EPHX2: variants seen among roughly 807,000 people sequenced by gnomAD.
EPHX2 encodes epoxide hydrolase 2, also known as bifunctional epoxide hydrolase 2.
Under a neutral mutation model 78.7 loss-of-function variants are expected in EPHX2, and 74 were observed. That is an observed-to-expected ratio of 0.94 (90% CI 0.78 to 1.14). The LOEUF (loss-of-function observed/expected upper bound fraction) is 1.14, where lower values mean the gene tolerates loss of function less well. Among genes scored for constraint, EPHX2 ranks in the 50% most tolerant of loss-of-function variants. The pLI, the probability that EPHX2 is intolerant of heterozygous loss-of-function variation, is 0.00. For synonymous variants in EPHX2, 251 were observed against 255.2 expected (o/e 0.98, Z 0.16); for missense variants, 715 against 702.5 (o/e 1.02, Z -0.20).
chr8:27,501,387 C>CTTCTTCTTCTTTCTTCT, intron 2 of EPHX2, among the ~76,000 whole-genome samples: 1 of 67,548 alleles, frequency 1.5e-5, no homozygotes, highest in Non-Finnish European at 3.0e-5. Context: ...TCTTCTTCTT[C>CTTCTTCTTCTTTCTTCT]TTCTTCTTTC....
At chr8:27,509,325 C>G (rs140008086) in intron 5 of EPHX2, among the ~76,000 whole-genome samples, 1 of 152,274 alleles carries the variant, frequency 6.6e-6, no homozygotes, top group African/African-American at 2.4e-5. Context: ...GGGAATAGTG[C>G]TGCTATGAAT....
Position 27,541,459 on chromosome 8 carries a change from T to C in EPHX2, c.1380-14T>C. Reference sequence around the variant, plus strand: ...TTACTGCCTCCCTCTTTTTACTTTCTGATCTCTCCCCAGAGGTCCTCTAAA... The same window carrying C: ...TTACTGCCTCCCTCTTTTTACTTTCCGATCTCTCCCCAGAGGTCCTCTAAA... On this transcript the variant is annotated splice_polypyrimidine_tract_variant and intron_variant, in intron 15 of 18. Coordinates refer to ENST00000521400, the MANE Select transcript of EPHX2 (RefSeq NM_001979.6). 6 of 1,614,128 alleles carry C rather than the reference T, an allele frequency of 3.7e-6. No individual in the cohort carries two copies. Among genetic ancestry groups the C allele is most frequent in the Non-Finnish European group, 5.1e-6 (6 of 1,179,918 alleles).
chr8:27,500,942 G>A lies in EPHX2; in HGVS notation c.118G>A (p.Ala40Thr), dbSNP rs1232427768. The A allele has an allele frequency of 1.2e-6, 2 of 1,613,178 alleles. No individual in the cohort carries two copies. Among genetic ancestry groups the A allele is most frequent in the Non-Finnish European group, 1.7e-6 (2 of 1,179,584 alleles). ...GTTTTCCAGAGGACTTCTGAATGAT[G>A]CTTTCCAGAAAGGGGGACCAGAGGG... The part of the protein sequence containing the change: ...LALPRGLLND[A>T]FQKGGPEGAT... The change falls in exon 2 of 19, where the codon GCT (alanine) becomes ACT (threonine). Residue 40 changes from alanine to threonine, a missense_variant. Coordinates refer to ENST00000521400, the MANE Select transcript of EPHX2 (RefSeq NM_001979.6).
In EPHX2 at chr8:27,518,162, A is replaced by T. The variant is rs1008920382; in HGVS notation, c.945+90A>T. ...GGGGTATCCATTCAAATTTTAGGGA[A>T]GCATCATTTCACAGCCTCTGGGTAT... On this transcript the variant is annotated intron_variant, in intron 9 of 18. Coordinates refer to ENST00000521400, the MANE Select transcript of EPHX2 (RefSeq NM_001979.6). 4.5e-6 allele frequency: 5 copies of T among 1,116,192 alleles called. No homozygotes were observed. In the African/African-American group the frequency reaches 7.9e-5, roughly 18 times the overall value. The allele number at this position is 1,116,192 out of a possible 1,614,324, so 69.1% of individuals were successfully genotyped here.
At chr8:27,501,127 A>C in intron 2 of EPHX2, 117 bp downstream of exon 2, 1 of 817,136 alleles carries the variant, frequency 1.2e-6, no homozygotes, top group South Asian at 1.7e-5. Flanking sequence ...GTGAAGACAA[A>C]TGTTGTTTTA....
At chr8:27,494,356 A>G (rs976554316) in intron 1 of EPHX2, among the ~76,000 whole-genome samples, 1 of 152,116 alleles carries the variant, frequency 6.6e-6, no homozygotes, top group Non-Finnish European at 1.5e-5. Context: ...TGAAGGTGAT[A>G]TTGTATCTCT....
chr8:27,508,883 G>A (rs563391495), intron 5 of EPHX2, among the ~76,000 whole-genome samples: 1 of 148,748 alleles, frequency 6.7e-6, no homozygotes, highest in Admixed American at 6.7e-5. Context: ...ATGAAACTCT[G>A]GACCATCAAA....
intron 12 of EPHX2, among the ~76,000 whole-genome samples, chr8:27,533,042 G>A (rs1815098461): frequency 6.6e-6 from 1 of 152,146 alleles, no homozygotes; most frequent in East Asian, 1.9e-4. Context: ...TTGAGTCCAG[G>A]AGTTTGAGGA....
rs1017515024 is a variant in EPHX2 at position 27,516,366 on chromosome 8, T to C, written c.878T>C (p.Met293Thr). 1 of 1,613,998 alleles carries C rather than the reference T, an allele frequency of 6.2e-7. No homozygotes were observed. Among genetic ancestry groups the C allele is most frequent in the Non-Finnish European group, 8.5e-7 (1 of 1,180,002 alleles). ...GGTTACCGGGTCCTAGCTATGGACA[T>C]GAAAGGCTATGGAGAGTCATCTGCT... ...QAGYRVLAMDMKGYGESSAPP... is the reference protein window; with the variant it reads ...QAGYRVLAMDTKGYGESSAPP... Residue 293 changes from methionine to threonine, a missense_variant, in exon 8 of 19, where the codon ATG becomes ACG. Coordinates refer to ENST00000521400, the MANE Select transcript of EPHX2 (RefSeq NM_001979.6).
chr8:27,525,725 G>GT (rs1478508136), intron 12 of EPHX2, among the ~76,000 whole-genome samples: 1 of 152,108 alleles, frequency 6.6e-6, no homozygotes, highest in Non-Finnish European at 1.5e-5. Flanking sequence ...GGCTTCTCTG[G>GT]TGTCTCTGCA....
At chr8:27,521,916 G>A (rs751824664) in intron 10 of EPHX2, among the ~76,000 whole-genome samples, 2 of 152,208 alleles carry the variant, frequency 1.3e-5, no homozygotes, top group African/African-American at 2.4e-5. Flanking sequence ...TAAGTGACAC[G>A]TGGCTATAGC....
intron 12 of EPHX2, among the ~76,000 whole-genome samples, chr8:27,535,685 T>C (rs1045832466): frequency 1.3e-5 from 2 of 152,128 alleles, no homozygotes; most frequent in Non-Finnish European, 2.9e-5. Flanking sequence ...GATGGATCTC[T>C]TGTCACCTTC....
intron 4 of EPHX2, 51 bp downstream of exon 4, chr8:27,505,197 C>T (rs754247635): frequency 6.3e-7 from 1 of 1,590,014 alleles, no homozygotes; most frequent in Non-Finnish European, 8.6e-7. Context: ...GATATTGCAA[C>T]CAGGGAAAAA....
At chr8:27,498,580 T>C (rs933385229) in intron 1 of EPHX2, among the ~76,000 whole-genome samples, 1 of 152,188 alleles carries the variant, frequency 6.6e-6, no homozygotes, top group Non-Finnish European at 1.5e-5. Context: ...CTTGTAGTTA[T>C]TTGTTTATAC....
At chr8:27,505,735 G>A (rs1813980922) in intron 4 of EPHX2, among the ~76,000 whole-genome samples, 1 of 152,142 alleles carries the variant, frequency 6.6e-6, no homozygotes, top group Non-Finnish European at 1.5e-5. Flanking sequence ...TCACCATGCT[G>A]CATCCTGGGA....
chr8:27,509,092 T>A (rs1264721777), intron 5 of EPHX2, among the ~76,000 whole-genome samples: 6 of 151,928 alleles, frequency 3.9e-5, no homozygotes, highest in African/African-American at 1.2e-4. Flanking sequence ...ATTGGACTCC[T>A]CTAGGGACCT....
Position 27,544,208 on chromosome 8 carries a change from A to G in EPHX2, c.1553A>G (p.His518Arg). 1 of 1,614,196 alleles carries G rather than the reference A, an allele frequency of 6.2e-7. No individual in the cohort carries two copies. Among genetic ancestry groups the G allele is most frequent in the Non-Finnish European group, 8.5e-7 (1 of 1,180,038 alleles). The change falls in exon 18 of 19, where the codon CAC becomes CGC. Residue 518 changes from histidine (H) to arginine (R), a missense_variant. Coordinates refer to ENST00000521400, the MANE Select transcript of EPHX2 (RefSeq NM_001979.6). ...CAGATTCCCCACCTGAAAAGGGGAC[A>G]CATTGAGGACTGTGGGCACTGGACA... Reference protein sequence around the residue: ...EDWIPHLKRGHIEDCGHWTQM... With the variant: ...EDWIPHLKRGRIEDCGHWTQM...
intron 9 of EPHX2, among the ~76,000 whole-genome samples, chr8:27,520,141 C>G (rs1157978748): frequency 6.6e-6 from 1 of 150,936 alleles, no homozygotes; most frequent in Non-Finnish European, 1.5e-5. Flanking sequence ...TGTGCCCAGC[C>G]TAATCTCTCC....
At chr8:27,531,632 T>G (rs1344770201) in intron 12 of EPHX2, among the ~76,000 whole-genome samples, 1 of 152,182 alleles carries the variant, frequency 6.6e-6, no homozygotes, top group African/African-American at 2.4e-5. Context: ...CCTCCACTCC[T>G]GGATGGCATC....
Sources: gnomAD v4.1 joint callset for allele counts (sites outside exome capture counted in the v4.1 genomes callset) on GRCh38, gnomAD v4.1.1 for gene constraint, MANE v1.5 for transcripts, NCBI Gene and HGNC (gene_info 2026-07-23, HGNC 2026-07-21) for gene names.